Variants in FOXP1 observed in about 807,000 individuals in gnomAD.
FOXP1 encodes forkhead box protein P1.
A neutral mutation model predicts 98.2 loss-of-function variants in FOXP1; 15 were observed. The observed-to-expected ratio is 0.15, with a 90% CI of 0.10 to 0.24. The LOEUF (loss-of-function observed/expected upper bound fraction) is 0.24, where lower values mean the gene tolerates loss of function less well. Among genes scored for constraint, FOXP1 ranks in the 10% least tolerant of loss-of-function variants. The probability of loss-of-function intolerance (pLI) is 1.00; values close to 1 mark genes in which losing one functional copy is unlikely to be tolerated. For missense variants in FOXP1, 633 were observed against 848.5 expected, an observed-to-expected ratio of 0.75 and a Z score of 3.15; for synonymous variants, 371 against 314.5, an observed-to-expected ratio of 1.18 and a Z score of -1.90.
intron 4 of FOXP1, among the ~76,000 whole-genome samples, chr3:71,316,460 C>G (rs1321890986): frequency 1.3e-5 from 2 of 152,082 alleles, no homozygotes. Flanking sequence ...CAAGGACCAC[C>G]AGGGCCAGCT....
At chr3:71,367,326 ACTCC>A (rs1012458985) in intron 3 of FOXP1, among the ~76,000 whole-genome samples, 3 of 151,398 alleles carry the variant, frequency 2.0e-5, no homozygotes, top group South Asian at 2.1e-4. Flanking sequence ...ACACATACAC[ACTCC>A]CTCTCTCTCA....
intron 2 of FOXP1, among the ~76,000 whole-genome samples, chr3:71,563,627 T>C (rs1033042708): frequency 3.9e-5 from 6 of 152,236 alleles, no homozygotes; most frequent in African/African-American, 1.2e-4. Flanking sequence ...GTCTTCAATA[T>C]GTAAATTTTT....
At chr3:71,107,601 T>C (rs1046923400) in intron 7 of FOXP1, among the ~76,000 whole-genome samples, 3 of 152,136 alleles carry the variant, frequency 2.0e-5, no homozygotes, top group African/African-American at 7.2e-5. Context: ...ATGTTAACTC[T>C]AGACATTAAA....
intron 13 of FOXP1, among the ~76,000 whole-genome samples, chr3:70,989,475 C>G (rs2040270654): frequency 2.6e-5 from 4 of 152,110 alleles, no homozygotes; most frequent in Admixed American, 6.5e-5. Flanking sequence ...AGTTATTGAA[C>G]AGCCAAACTA....
At chr3:71,567,437 A>C (rs1031525956) in intron 2 of FOXP1, among the ~76,000 whole-genome samples, 2 of 152,048 alleles carry the variant, frequency 1.3e-5, no homozygotes, top group African/African-American at 2.4e-5. Flanking sequence ...GTGCATATTA[A>C]AGGAGAGAAT....
At chr3:71,365,097 G>A (rs888906961) in intron 3 of FOXP1, among the ~76,000 whole-genome samples, 1 of 152,220 alleles carries the variant, frequency 6.6e-6, no homozygotes, top group South Asian at 2.1e-4. Flanking sequence ...CAAACTGGCA[G>A]TGGGCTGGAT....
chr3:71,206,269 T>C (rs2108434308), intron 5 of FOXP1, among the ~76,000 whole-genome samples: 1 of 152,352 alleles, frequency 6.6e-6, no homozygotes, highest in Middle Eastern at 3.4e-3. Context: ...CTCTATTTCC[T>C]GTACACTTCT....
intron 3 of FOXP1, among the ~76,000 whole-genome samples, chr3:71,443,870 T>C (rs1391018672): frequency 6.6e-6 from 1 of 152,150 alleles, no homozygotes; most frequent in Admixed American, 6.5e-5. Context: ...CAAAATAACC[T>C]CTTCAACAGA....
At chr3:71,365,579 C>G (rs1224771646) in intron 3 of FOXP1, among the ~76,000 whole-genome samples, 2 of 151,604 alleles carry the variant, frequency 1.3e-5, no homozygotes, top group Admixed American at 1.3e-4. Context: ...GCAAAATAAA[C>G]AGTAGATTTT....
At chr3:71,499,435 T>C (rs1247905190) in intron 2 of FOXP1, among the ~76,000 whole-genome samples, 1 of 152,216 alleles carries the variant, frequency 6.6e-6, no homozygotes, top group East Asian at 1.9e-4. Flanking sequence ...TACACACACA[T>C]ATAAACACGC....
chr3:71,194,581 C>G (rs1302580731), intron 6 of FOXP1, among the ~76,000 whole-genome samples: 1 of 57,694 alleles, frequency 1.7e-5, no homozygotes, highest in Non-Finnish European at 3.2e-5. Flanking sequence ...ATTTTAAAAT[C>G]CTTTCTTTAA....
intron 12 of FOXP1, among the ~76,000 whole-genome samples, chr3:71,013,253 A>G (rs139097448): frequency 1.5e-3 from 230 of 152,310 alleles, no homozygotes; most frequent in African/African-American, 5.4e-3. Context: ...ACCAATATAG[A>G]AAGTTAAGAA....
At chr3:71,120,584 G>C (rs1047904025) in intron 6 of FOXP1, among the ~76,000 whole-genome samples, 3 of 152,220 alleles carry the variant, frequency 2.0e-5, no homozygotes, top group African/African-American at 7.2e-5. Context: ...ATGTGTTTGA[G>C]TCAAAGTGGA....
At chr3:71,550,671 T>C (rs754798114) in intron 2 of FOXP1, among the ~76,000 whole-genome samples, 3 of 152,228 alleles carry the variant, frequency 2.0e-5, no homozygotes, top group South Asian at 2.1e-4. Flanking sequence ...ATACCACTTA[T>C]GTGAACAAAG....
intron 3 of FOXP1, among the ~76,000 whole-genome samples, chr3:71,365,754 C>T (rs1404220513): frequency 6.6e-6 from 1 of 152,100 alleles, no homozygotes; most frequent in African/African-American, 2.4e-5. Context: ...GGAGGCCAAG[C>T]CCGGCAGATC....
At chr3:71,359,808 C>T (rs2107901660) in intron 3 of FOXP1, among the ~76,000 whole-genome samples, 1 of 152,202 alleles carries the variant, frequency 6.6e-6, no homozygotes, top group Admixed American at 6.5e-5. Flanking sequence ...ATTATTTTTC[C>T]AGACACAGTC....
intron 4 of FOXP1, among the ~76,000 whole-genome samples, chr3:71,302,232 T>C (rs1310401715): frequency 6.6e-6 from 1 of 152,180 alleles, no homozygotes; most frequent in Non-Finnish European, 1.5e-5. Flanking sequence ...GCCATCATGC[T>C]AAAGTAAATG....
In FOXP1 at chr3:71,492,539, C is replaced by T. The variant is rs1395092631; in HGVS notation, c.-168+887G>A. 2.0e-5 allele frequency among the ~76,000 whole-genome samples: 3 copies of T among 152,098 alleles called. No individual in the cohort carries two copies. The South Asian group carries it at 6.2e-4, about 32-fold the overall frequency. On this transcript the variant is annotated intron_variant, in intron 3 of 20. Coordinates refer to ENST00000649528, the MANE Select transcript of FOXP1 (RefSeq NM_001349338.3). Reference sequence around the variant, plus strand: ...AAGCCTCCCAACTCCCAATACAGTGCCCTTTCTGCTTCACTACACTTCTCT... The same window carrying T: ...AAGCCTCCCAACTCCCAATACAGTGTCCTTTCTGCTTCACTACACTTCTCT...
intron 3 of FOXP1, among the ~76,000 whole-genome samples, chr3:71,361,660 A>G (rs907592030): frequency 6.6e-6 from 1 of 152,132 alleles, no homozygotes; most frequent in Non-Finnish European, 1.5e-5. Flanking sequence ...GGGGCACACT[A>G]ATGACCATTC....
Sources: gnomAD v4.1 joint callset for allele counts (sites outside exome capture counted in the v4.1 genomes callset) on GRCh38, gnomAD v4.1.1 for gene constraint, MANE v1.5 for transcripts, NCBI Gene and HGNC (gene_info 2026-07-23, HGNC 2026-07-21) for gene names.